Variants in HS6ST3 observed in about 807,000 individuals in gnomAD.
HS6ST3 encodes the protein heparan-sulfate 6-O-sulfotransferase 3.
A neutral mutation model predicts 36.7 loss-of-function variants in HS6ST3; 12 were observed. That is an observed-to-expected ratio of 0.33 (90% CI 0.21 to 0.53). The LOEUF (loss-of-function observed/expected upper bound fraction) is 0.53, where lower values mean the gene tolerates loss of function less well. Among genes scored for constraint, HS6ST3 ranks in the 20% least tolerant of loss-of-function variants. The probability of loss-of-function intolerance (pLI) is 0.95; values close to 1 mark genes in which losing one functional copy is unlikely to be tolerated. For synonymous variants in HS6ST3, 240 were observed against 257.5 expected (o/e 0.93, Z 0.65); for missense variants, 584 against 640.9 (o/e 0.91, Z 0.96).
At chr13:96,226,205 C>T (rs981060306) in intron 1 of HS6ST3, among the ~76,000 whole-genome samples, 5 of 152,102 alleles carry the variant, frequency 3.3e-5, no homozygotes, top group African/African-American at 9.7e-5. Context: ...AGAGGAAATA[C>T]CTTGAAGATT....
At chr13:96,386,094 A>G (rs2055366413) in intron 1 of HS6ST3, among the ~76,000 whole-genome samples, 1 of 152,260 alleles carries the variant, frequency 6.6e-6, no homozygotes. Flanking sequence ...AATTGTGTAG[A>G]AAATAAAAAG....
At chr13:96,805,316 T>C (rs1878171830) in intron 1 of HS6ST3, among the ~76,000 whole-genome samples, 1 of 152,052 alleles carries the variant, frequency 6.6e-6, no homozygotes, top group Non-Finnish European at 1.5e-5. Context: ...ATGTGGCACT[T>C]CCCCCTTTGC....
At chr13:96,682,541 T>C (rs751787531) in intron 1 of HS6ST3, among the ~76,000 whole-genome samples, 2 of 152,130 alleles carry the variant, frequency 1.3e-5, no homozygotes, top group Non-Finnish European at 2.9e-5. Flanking sequence ...AGGCCACCAG[T>C]GAGTCTTAGG....
At chr13:96,273,476 A>G (rs1330205857) in intron 1 of HS6ST3, among the ~76,000 whole-genome samples, 1 of 151,902 alleles carries the variant, frequency 6.6e-6, no homozygotes, top group African/African-American at 2.4e-5. Context: ...CACTTTTGAG[A>G]CTAAGAGGAG....
intron 1 of HS6ST3, among the ~76,000 whole-genome samples, chr13:96,465,393 C>G (rs1248434552): frequency 6.6e-6 from 1 of 152,092 alleles, no homozygotes; most frequent in Non-Finnish European, 1.5e-5. Flanking sequence ...GAAGGGAATA[C>G]TACACAGCAA....
At chr13:96,441,937 G>T (rs2055673500) in intron 1 of HS6ST3, among the ~76,000 whole-genome samples, 1 of 151,806 alleles carries the variant, frequency 6.6e-6, no homozygotes, top group Non-Finnish European at 1.5e-5. Context: ...AAATAAATTT[G>T]TAATCATATA....
intron 1 of HS6ST3, among the ~76,000 whole-genome samples, chr13:96,447,198 C>T (rs2055703326): frequency 6.6e-6 from 1 of 152,094 alleles, no homozygotes; most frequent in South Asian, 2.1e-4. Context: ...GGAGGCAAAG[C>T]TCACTGGCAT....
intron 1 of HS6ST3, among the ~76,000 whole-genome samples, chr13:96,680,961 A>G (rs2056716579): frequency 6.6e-6 from 1 of 152,166 alleles, no homozygotes; most frequent in Non-Finnish European, 1.5e-5. Flanking sequence ...GACAAATTAT[A>G]AGTTTTCAGG....
intron 1 of HS6ST3, among the ~76,000 whole-genome samples, chr13:96,431,274 A>T (rs1455517417): frequency 6.6e-6 from 1 of 151,086 alleles, no homozygotes; most frequent in Admixed American, 6.6e-5. Context: ...CAAAACCAAA[A>T]CCAAACAGAA....
chr13:96,479,158 GAGCACTCAATTC>G (rs937118517), intron 1 of HS6ST3, among the ~76,000 whole-genome samples: 1 of 152,170 alleles, frequency 6.6e-6, no homozygotes, highest in African/African-American at 2.4e-5. Context: ...GTTGACACTG[GAGCACTCAATTC>G]AGCCTTAAGA....
At chr13:96,381,507 A>G (rs1241972266) in intron 1 of HS6ST3, among the ~76,000 whole-genome samples, 1 of 151,898 alleles carries the variant, frequency 6.6e-6, no homozygotes, top group African/African-American at 2.4e-5. Flanking sequence ...CCATCACACT[A>G]TCTGGTTGCC....
intron 1 of HS6ST3, among the ~76,000 whole-genome samples, chr13:96,468,061 C>T (rs147253674): frequency 5.8e-4 from 89 of 152,322 alleles, no homozygotes; most frequent in African/African-American, 2.0e-3. Flanking sequence ...TTTCTTTATG[C>T]TGACATCTAA....
At chr13:96,238,199 A>G (rs1259178295) in intron 1 of HS6ST3, among the ~76,000 whole-genome samples, 1 of 152,054 alleles carries the variant, frequency 6.6e-6, no homozygotes, top group East Asian at 1.9e-4. Flanking sequence ...TTTACCTCTC[A>G]CATGCAATTT....
chr13:96,374,284 C>A (rs2055304332), intron 1 of HS6ST3, among the ~76,000 whole-genome samples: 1 of 152,124 alleles, frequency 6.6e-6, no homozygotes, highest in Non-Finnish European at 1.5e-5. Flanking sequence ...ATAATTGGGA[C>A]ATTTTTATAA....
chr13:96,731,454 T>C (rs539361115), intron 1 of HS6ST3, among the ~76,000 whole-genome samples: 1 of 152,328 alleles, frequency 6.6e-6, no homozygotes, highest in East Asian at 1.9e-4. Flanking sequence ...AGTATCCCAT[T>C]GTGTATATAT....
At chr13:96,267,152 C>A (rs2054696419) in intron 1 of HS6ST3, among the ~76,000 whole-genome samples, 1 of 152,134 alleles carries the variant, frequency 6.6e-6, no homozygotes, top group Admixed American at 6.5e-5. Context: ...TGCCTGCCAC[C>A]ATGTAAGATG....
At chr13:96,384,109 AGATCTT>A (rs2055355573) in intron 1 of HS6ST3, among the ~76,000 whole-genome samples, 1 of 152,182 alleles carries the variant, frequency 6.6e-6, no homozygotes, top group African/African-American at 2.4e-5. Flanking sequence ...AGGCTACCCA[AGATCTT>A]GAAGTTATAT....
intron 1 of HS6ST3, among the ~76,000 whole-genome samples, chr13:96,400,227 TCA>T (rs1347377830): frequency 7.8e-6 from 1 of 128,762 alleles, no homozygotes; most frequent in Non-Finnish European, 1.7e-5. Flanking sequence ...AGACACAGAC[TCA>T]CATGCAGACA....
At position 96,833,192 on chromosome 13, in the gene HS6ST3, A is replaced by G; in HGVS notation, c.1410A>G (p.Arg470=). 1 of 1,556,178 alleles carries G rather than the reference A, an allele frequency of 6.4e-7. No homozygotes were observed. The change falls in exon 2 of 2, where the codon AGA becomes AGG. Residue 470 remains arginine (R), a synonymous_variant. Coordinates refer to ENST00000376705, the MANE Select transcript of HS6ST3 (RefSeq NM_153456.4). ...VTEDYNSQVV[R]W is the part of the protein sequence containing the mutation. ...AGGACTACAACAGCCAGGTGGTGAG[A>G]TGGTGACCTCCTGCCCTCTCCTCTC...
Sources: allele counts gnomAD v4.1 joint callset (sites outside exome capture counted in the v4.1 genomes callset), GRCh38; gene constraint gnomAD v4.1.1; transcripts MANE v1.5; gene names NCBI Gene and HGNC (gene_info 2026-07-23, HGNC 2026-07-21).